The following PPP1R16B variants were observed in gnomAD, a reference collection of about 807,000 sequenced individuals.
PPP1R16B encodes protein phosphatase 1 regulatory subunit 16B.
PPP1R16B carries 14 observed loss-of-function variants against 61.7 expected under a neutral mutation model. That is an observed-to-expected ratio of 0.23 (90% CI 0.15 to 0.35). PPP1R16B has a LOEUF of 0.35. PPP1R16B is among the 10% of genes least tolerant of loss of function. The pLI is 1.00. For missense variants in PPP1R16B, 547 were observed against 752.5 expected (o/e 0.73, Z 3.19); for synonymous variants, 266 against 305.3 (o/e 0.87, Z 1.34).
intron 2 of PPP1R16B, among the ~76,000 whole-genome samples, chr20:38,869,284 G>A (rs983043864): frequency 2.0e-5 from 3 of 151,826 alleles, no homozygotes; most frequent in South Asian, 2.1e-4. Context: ...TCAGCCTCCC[G>A]AGTAGCTGGA....
rs1220642840 is a variant in PPP1R16B at position 38,920,520 on chromosome 20, C to T, written c.*1854C>T. On this transcript the variant is annotated 3_prime_UTR_variant, in exon 11 of 11. Transcript: ENST00000299824. ...TCTGCTCTTTGTCATTCTTAGCCCCCTACTGTGGCCCCCATAGCCCCATAA... is the reference window on the plus strand; with the variant it reads ...TCTGCTCTTTGTCATTCTTAGCCCCTTACTGTGGCCCCCATAGCCCCATAA... The T allele has an allele frequency of 2.6e-5, 4 of 152,724 alleles. No homozygotes were observed. Among genetic ancestry groups the T allele is most frequent in the African/African-American group, 9.7e-5 (4 of 41,448 alleles). 9.5% of individuals were successfully genotyped at this position (152,724 alleles called of 1,614,324 possible). A position where few individuals can be genotyped will look rare whatever the true frequency, so the allele number is the denominator to read the frequency against.
rs538173748 is a variant in PPP1R16B at position 38,919,410 on chromosome 20, G to T, written c.*744G>T. 1 of 152,366 alleles carries T rather than the reference G, an allele frequency of 6.6e-6. No homozygotes were observed. The highest frequency in any genetic ancestry group is 1.9e-4 in the East Asian group (1 of 5,188). The allele number at this position is 152,366 out of a possible 1,614,324, so 9.4% of individuals were successfully genotyped here. ...ATCCAGGGGTGGAGGGGGAAAACCAGGCAATTTCGTTCCTGGAATCAACCA... is the reference window on the plus strand; with the variant it reads ...ATCCAGGGGTGGAGGGGGAAAACCATGCAATTTCGTTCCTGGAATCAACCA... On this transcript the variant is annotated 3_prime_UTR_variant, in exon 11 of 11. Transcript: ENST00000299824.
At chr20:38,865,550 T>G (rs1179809135) in intron 2 of PPP1R16B, among the ~76,000 whole-genome samples, 1 of 152,074 alleles carries the variant, frequency 6.6e-6, no homozygotes, top group Non-Finnish European at 1.5e-5. Context: ...CTCGGCCTCC[T>G]AAAGCACTGG....
intron 4 of PPP1R16B, 70 bp downstream of exon 4, chr20:38,895,780 CT>C: frequency 8.2e-7 from 1 of 1,226,042 alleles, no homozygotes; most frequent in Non-Finnish European, 1.1e-6. Context: ...CCTTCTTTCT[CT>C]CCTCCCTCCC....
intron 2 of PPP1R16B, among the ~76,000 whole-genome samples, chr20:38,856,428 G>A (rs2085009390): frequency 6.6e-6 from 1 of 152,194 alleles, no homozygotes; most frequent in Non-Finnish European, 1.5e-5. Flanking sequence ...AATCTGGGCT[G>A]TTGTAAACTG....
intron 1 of PPP1R16B, among the ~76,000 whole-genome samples, chr20:38,830,256 G>T (rs942805458): frequency 1.3e-5 from 2 of 152,204 alleles, no homozygotes; most frequent in Non-Finnish European, 1.5e-5. Flanking sequence ...TGCCTCTCTA[G>T]CCCTGAGCAC....
At chr20:38,830,414 C>A (rs938520478) in intron 1 of PPP1R16B, among the ~76,000 whole-genome samples, 1 of 152,360 alleles carries the variant, frequency 6.6e-6, no homozygotes, top group African/African-American at 2.4e-5. Flanking sequence ...TTTGCCAACA[C>A]TAAACGCCAT....
intron 2 of PPP1R16B, among the ~76,000 whole-genome samples, chr20:38,861,585 C>A (rs1327214718): frequency 6.6e-6 from 1 of 151,950 alleles, no homozygotes; most frequent in Non-Finnish European, 1.5e-5. Context: ...GGGACATCTT[C>A]TTCCCCCCCA....
chr20:38,915,011 C>A (rs897928103), intron 10 of PPP1R16B, among the ~76,000 whole-genome samples: 2 of 151,734 alleles, frequency 1.3e-5, no homozygotes, highest in Non-Finnish European at 2.9e-5. Flanking sequence ...TTTTTCCGAG[C>A]AGTTTTAGAA....
chr20:38,911,458 G>A (rs532795573), intron 10 of PPP1R16B, among the ~76,000 whole-genome samples: 83 of 151,588 alleles, frequency 5.5e-4, no homozygotes, highest in African/African-American at 1.7e-3. Flanking sequence ...GAGCCACCAC[G>A]CCTGGCCGCC....
At chr20:38,873,743 G>GTTT (rs36003556) in intron 2 of PPP1R16B, among the ~76,000 whole-genome samples, 85,680 of 140,088 alleles carry the variant, frequency 0.61, 26,524 homozygotes, top group South Asian at 0.79. Context: ...TCTTTTTTTT[G>GTTT]TTTTTTTTTT....
chr20:38,883,770 C>A (rs1159915520), intron 2 of PPP1R16B, among the ~76,000 whole-genome samples: 1 of 152,190 alleles, frequency 6.6e-6, no homozygotes, highest in Admixed American at 6.5e-5. Flanking sequence ...GGCACACAAG[C>A]AAGAGCTCAC....
At chr20:38,853,192 T>C (rs2084981300) in intron 2 of PPP1R16B, among the ~76,000 whole-genome samples, 1 of 152,180 alleles carries the variant, frequency 6.6e-6, no homozygotes, top group Non-Finnish European at 1.5e-5. Context: ...AGCTGGAGCA[T>C]CACATGGAGG....
intron 5 of PPP1R16B, 128 bp from the exon 6 acceptor site, chr20:38,902,539 CA>C: frequency 7.8e-7 from 1 of 1,277,022 alleles, no homozygotes; most frequent in Admixed American, 1.8e-5. Flanking sequence ...GATCTATGGG[CA>C]TGTCTGCATG....
chr20:38,806,980 C>G lies in PPP1R16B; in HGVS notation c.-102+1188C>G, dbSNP rs2084666558. Among the ~76,000 whole-genome samples the G allele has an allele frequency of 6.6e-6, 1 of 152,182 alleles. No individual in the cohort carries two copies. The highest frequency in any genetic ancestry group is 2.1e-4 in the South Asian group (1 of 4,828). On this transcript the variant is annotated intron_variant, in intron 1 of 10. Coordinates refer to ENST00000299824, the MANE Select transcript of PPP1R16B (RefSeq NM_015568.4). The surrounding 1 kb of genome is among the most constrained non-coding windows in gnomAD (Gnocchi z 4.5). ...GTGATTGCATTTCACATAAAGGGCC[C>G]CTGTTTTCACTGTCAGAAGAGCCCC... is the stretch of plus-strand genomic sequence containing the variant.
intron 2 of PPP1R16B, among the ~76,000 whole-genome samples, chr20:38,873,528 C>A (rs986338651): frequency 1.3e-5 from 2 of 152,098 alleles, no homozygotes; most frequent in African/African-American, 4.8e-5. Context: ...GGTTTGGGCT[C>A]AGGGTCTCTC....
intron 1 of PPP1R16B, among the ~76,000 whole-genome samples, chr20:38,827,334 C>T (rs149285779): frequency 4.9e-4 from 75 of 152,322 alleles, no homozygotes; most frequent in African/African-American, 1.8e-3. Flanking sequence ...CACTGCTGGA[C>T]ATGATGACAT....
chr20:38,903,225 C>T (rs1302732758), intron 6 of PPP1R16B, among the ~76,000 whole-genome samples: 1 of 152,166 alleles, frequency 6.6e-6, no homozygotes, highest in East Asian at 1.9e-4. Context: ...CACCTGTTCA[C>T]CAACTGCTCT....
intron 3 of PPP1R16B, among the ~76,000 whole-genome samples, chr20:38,892,020 G>A (rs1744149050): frequency 6.6e-6 from 1 of 152,196 alleles, no homozygotes; most frequent in African/African-American, 2.4e-5. Context: ...TGGATTTAAA[G>A]AAACAGTGGC....
Sources: allele counts gnomAD v4.1 joint callset (sites outside exome capture counted in the v4.1 genomes callset), GRCh38; gene constraint gnomAD v4.1.1; non-coding constraint Gnocchi (gnomAD v3.1); transcripts MANE v1.5; gene names NCBI Gene and HGNC (gene_info 2026-07-23, HGNC 2026-07-21).